TOPAZ1: variants seen among roughly 807,000 people sequenced by gnomAD.
TOPAZ1 encodes protein TOPAZ1.
Under a neutral mutation model 172.2 loss-of-function variants are expected in TOPAZ1, and 66 were observed. The ratio of observed to expected loss-of-function variants is 0.38; its 90% confidence interval spans 0.31 to 0.47. The LOEUF (loss-of-function observed/expected upper bound fraction) is 0.47, where lower values mean the gene tolerates loss of function less well. TOPAZ1 is among the 20% of genes least tolerant of loss of function. The pLI, the probability that TOPAZ1 is intolerant of heterozygous loss-of-function variation, is 0.99. For missense variants in TOPAZ1, 1,822 were observed against 1,972.4 expected (o/e 0.92, Z 1.44); for synonymous variants, 681 against 683.9 (o/e 1.00, Z 0.07).
At chr3:44,251,526 G>A (rs1699631250) in intron 2 of TOPAZ1, among the ~76,000 whole-genome samples, 1 of 152,126 alleles carries the variant, frequency 6.6e-6, no homozygotes, top group African/African-American at 2.4e-5. Context: ...ATAAAGATCT[G>A]TTTTATATTA....
intron 12 of TOPAZ1, among the ~76,000 whole-genome samples, chr3:44,296,392 C>T (rs1047312909): frequency 4.8e-5 from 7 of 144,744 alleles, no homozygotes. Context: ...TTGAAAAGAT[C>T]AATAAAATTA....
chr3:44,314,178 C>T (rs1700427645), intron 16 of TOPAZ1, among the ~76,000 whole-genome samples: 1 of 152,146 alleles, frequency 6.6e-6, no homozygotes, highest in South Asian at 2.1e-4. Flanking sequence ...CTGCCCACCT[C>T]GGCCTCCCAA....
chr3:44,275,005 G>T (rs1311907118), intron 8 of TOPAZ1, among the ~76,000 whole-genome samples: 1 of 150,834 alleles, frequency 6.6e-6, no homozygotes, highest in Non-Finnish European at 1.5e-5. Flanking sequence ...GTACATCTAT[G>T]CATGTGGCAA....
intron 2 of TOPAZ1, among the ~76,000 whole-genome samples, chr3:44,249,376 G>A (rs1022572558): frequency 6.6e-6 from 1 of 152,126 alleles, no homozygotes; most frequent in African/African-American, 2.4e-5. Flanking sequence ...GATCCTTGAA[G>A]TTTGGATTTT....
chr3:44,313,941 T>C (rs1700424620), intron 16 of TOPAZ1, among the ~76,000 whole-genome samples: 1 of 152,234 alleles, frequency 6.6e-6, no homozygotes, highest in African/African-American at 2.4e-5. Context: ...AAGATGCAGC[T>C]TATGAAATAC....
intron 12 of TOPAZ1, among the ~76,000 whole-genome samples, chr3:44,297,011 A>G (rs796512289): frequency 2.4e-4 from 36 of 152,002 alleles, no homozygotes; most frequent in African/African-American, 8.4e-4. Flanking sequence ...GTCTCTACTA[A>G]AAATACAAAA....
intron 19 of TOPAZ1, among the ~76,000 whole-genome samples, chr3:44,329,548 AAG>A (rs1332861445): frequency 1.3e-5 from 2 of 152,336 alleles, no homozygotes; most frequent in East Asian, 3.9e-4. Flanking sequence ...AAGAACTGTG[AAG>A]AGTCTGAGAT....
intron 8 of TOPAZ1, among the ~76,000 whole-genome samples, chr3:44,275,340 CT>C (rs1459012330): frequency 6.6e-6 from 1 of 152,046 alleles, no homozygotes; most frequent in African/African-American, 2.4e-5. Context: ...ACCAACCACT[CT>C]TTTTCCCCCT....
intron 16 of TOPAZ1, among the ~76,000 whole-genome samples, chr3:44,319,025 C>A (rs1228199059): frequency 6.6e-6 from 1 of 152,034 alleles, no homozygotes; most frequent in Non-Finnish European, 1.5e-5. Context: ...CCCAGCACAG[C>A]TCGGCCCACA....
chr3:44,270,731 A>G lies in TOPAZ1; in HGVS notation c.3293A>G (p.Lys1098Arg), dbSNP rs140600110. 3 of 1,550,728 alleles carry G rather than the reference A, an allele frequency of 1.9e-6. No individual in the cohort carries two copies. Among genetic ancestry groups the G allele is most frequent in the East Asian group, 2.4e-5 (1 of 40,866 alleles). The change falls in exon 8 of 20, where the codon AAA (lysine) becomes AGA (arginine). Residue 1098 changes from lysine (K) to arginine (R), a missense_variant. Transcript: ENST00000309765. ...LGLMIPYKYC[K>R]FHFNTLRGCE... Reference sequence around the variant, plus strand: ...TTGATGATACCCTATAAATATTGCAAATTTCATTTTAATACATTACGTGGC... The same window carrying G: ...TTGATGATACCCTATAAATATTGCAGATTTCATTTTAATACATTACGTGGC...
At chr3:44,275,665 G>A (rs1416761619) in intron 8 of TOPAZ1, among the ~76,000 whole-genome samples, 1 of 152,006 alleles carries the variant, frequency 6.6e-6, no homozygotes, top group Non-Finnish European at 1.5e-5. Context: ...AAACATGTGA[G>A]TACAGGTATC....
intron 6 of TOPAZ1, among the ~76,000 whole-genome samples, chr3:44,268,365 TC>T (rs140683881): frequency 0.15 from 18,559 of 120,472 alleles, 2,165 homozygotes; most frequent in Middle Eastern, 0.24. Context: ...TGGTGCCTAT[TC>T]TTTTTTTTTT....
chr3:44,248,289 A>G lies in TOPAZ1; in HGVS notation c.2765+3018A>G, dbSNP rs1461626465. ...TATCACTTTTTCCTGAGACAACGTT[A>G]GCCATTTTGGTGTGCAGTATCAAGT... is the stretch of plus-strand genomic sequence containing the variant. On this transcript the variant is annotated intron_variant, in intron 2 of 19. Transcript: ENST00000309765. Among the ~76,000 whole-genome samples the G allele has an allele frequency of 4.6e-5, 7 of 152,304 alleles. No homozygotes were observed. The East Asian group carries it at 1.2e-3, about 25-fold the overall frequency.
chr3:44,270,637 T>C, intron 7 of TOPAZ1, 48 bp from the exon 8 acceptor site: 1 of 1,418,446 alleles, frequency 7.0e-7, no homozygotes, highest in Admixed American at 2.5e-5. Context: ...TTAACTATAG[T>C]AAGTGCTTTA....
Position 44,256,247 on chromosome 3 carries a change from A to T in TOPAZ1, c.2924A>T (p.Glu975Val). Residue 975 changes from glutamate (E) to valine (V), a missense_variant, in exon 4 of 20, where the codon GAA (glutamate) becomes GTA (valine). By Grantham distance (121) the Glu-to-Val change is moderately radical. Transcript: ENST00000309765. ...AATGAAACACTGGGAGACTTCAGTG[A>T]ACAAATAAAAGGTTCAGACTTGGAT... ...SENETLGDFS[E>V]QIKGSDLDEK... 4 of 1,531,300 alleles carry T rather than the reference A, an allele frequency of 2.6e-6. No homozygotes were observed. Among genetic ancestry groups the T allele is most frequent in the Non-Finnish European group, 3.5e-6 (4 of 1,141,490 alleles). The allele number at this position is 1,531,300 out of a possible 1,614,324, so 94.9% of individuals were successfully genotyped here. A position where few individuals can be genotyped will look rare whatever the true frequency, so the allele number is the denominator to read the frequency against.
At chr3:44,303,912 T>TTTTTC in intron 12 of TOPAZ1, 103 bp from the exon 13 acceptor site, 1 of 626,006 alleles carries the variant, frequency 1.6e-6, no homozygotes, top group Non-Finnish European at 2.6e-6. Context: ...ATACATTCAT[T>TTTTTC]TTTTCTTCTG....
Position 44,269,288 on chromosome 3 carries a change from A to G in TOPAZ1, c.3233A>G (p.Glu1078Gly), listed in dbSNP as rs1270435020. 5.2e-6 allele frequency: 8 copies of G among 1,534,430 alleles called. No individual in the cohort carries two copies. The South Asian group carries it at 6.0e-5, about 11-fold the overall frequency. ...GAAACTTGTGAAATATTCAAGAGGG[A>G]AAAAAATGTGGGGGTAAGTCTACTT... is the stretch of plus-strand genomic sequence containing the variant. The part of the protein sequence containing the change: ...NPETCEIFKR[E>G]KNVGVFQKSL... Residue 1078 changes from glutamate to glycine, a missense_variant, in exon 7 of 20, where the codon GAA becomes GGA. This residue lies in a region of TOPAZ1 where 1,489 missense variants were observed against 1,490.8 expected (regional missense o/e 1.00). Transcript: ENST00000309765.
intron 8 of TOPAZ1, among the ~76,000 whole-genome samples, chr3:44,275,197 C>T (rs531255939): frequency 6.6e-6 from 1 of 151,996 alleles, no homozygotes; most frequent in Non-Finnish European, 1.5e-5. Flanking sequence ...TTTAACATTT[C>T]TATGAGTTGG....
intron 16 of TOPAZ1, among the ~76,000 whole-genome samples, chr3:44,316,687 C>T (rs1396120150): frequency 2.0e-5 from 3 of 151,976 alleles, no homozygotes; most frequent in South Asian, 4.2e-4. Context: ...TTTAGGCAGT[C>T]CTTAGTCATC....
Sources: gnomAD v4.1 joint callset for allele counts (sites outside exome capture counted in the v4.1 genomes callset) on GRCh38, gnomAD v4.1.1 for gene constraint, gnomAD v4.1.1 regional missense constraint, MANE v1.5 for transcripts, NCBI Gene and HGNC (gene_info 2026-07-23, HGNC 2026-07-21) for gene names.